The following AK7 variants were observed in gnomAD, a reference collection of about 807,000 sequenced individuals.
AK7 encodes the protein adenylate kinase 7, also known as ATP-AMP transphosphorylase 7.
In AK7, 78 loss-of-function variants were observed where a neutral mutation model predicts 96.6. That is an observed-to-expected ratio of 0.81 (90% CI 0.67 to 0.97). The LOEUF (loss-of-function observed/expected upper bound fraction) is 0.97, where lower values mean the gene tolerates loss of function less well. Ranked by LOEUF, AK7 falls within the 50% of genes least tolerant of loss-of-function variation. The pLI is 0.00. For missense variants in AK7, 855 were observed against 887.9 expected, an observed-to-expected ratio of 0.96 and a Z score of 0.47; for synonymous variants, 302 against 317.2, an observed-to-expected ratio of 0.95 and a Z score of 0.51.
chr14:96,460,018 G>C (rs916704274), intron 12 of AK7, among the ~76,000 whole-genome samples: 1 of 152,218 alleles, frequency 6.6e-6, no homozygotes, highest in Non-Finnish European at 1.5e-5. Flanking sequence ...TCACAGTAAG[G>C]TGTCGCTTTG....
chr14:96,488,154 C>A (rs1345732357), intron 17 of AK7, 151 bp from the exon 18 acceptor site: 3 of 578,786 alleles, frequency 5.2e-6, no homozygotes, highest in African/African-American at 1.9e-5. Flanking sequence ...CTCAAGTGAT[C>A]CACCCGCCTC....
chr14:96,400,332 G>A (rs111345795), intron 2 of AK7, among the ~76,000 whole-genome samples: 2,780 of 152,116 alleles, frequency 0.018, 94 homozygotes, highest in African/African-American at 0.063. Context: ...GAGCCACCAC[G>A]CCCGGCCCAA....
At chr14:96,463,047 G>T (rs1894344622) in intron 12 of AK7, among the ~76,000 whole-genome samples, 1 of 152,112 alleles carries the variant, frequency 6.6e-6, no homozygotes, top group Non-Finnish European at 1.5e-5. Flanking sequence ...TGAGGCAGGA[G>T]AATCGCTTGA....
rs376045676 is a variant in AK7, at chr14:96,435,091, A to G, written c.610-2744A>G. 5.9e-5 allele frequency among the ~76,000 whole-genome samples: 9 copies of G among 151,972 alleles called. No homozygotes were observed. The South Asian group carries it at 8.3e-4, about 14-fold the overall frequency. On this transcript the variant is annotated intron_variant, in intron 5 of 17. Transcript: ENST00000267584. ...ACCCCAAGAGCCTCCTTGGTGCTCT[A>G]CCTAACTTTGGCCATGCTGGCACCT...
chr14:96,443,645 T>G (rs933545820), intron 7 of AK7, among the ~76,000 whole-genome samples: 4 of 152,110 alleles, frequency 2.6e-5, no homozygotes, highest in Non-Finnish European at 5.9e-5. Flanking sequence ...TAAAGAAGGA[T>G]CCTATGAGTC....
intron 4 of AK7, among the ~76,000 whole-genome samples, chr14:96,413,711 CCTGA>C (rs145388448): frequency 2.6e-5 from 4 of 152,308 alleles, no homozygotes; most frequent in African/African-American, 7.2e-5. Context: ...CCACGAGGAT[CCTGA>C]CTAATACATT....
chr14:96,458,852 G>T (rs1035569334), intron 12 of AK7, among the ~76,000 whole-genome samples: 3 of 131,340 alleles, frequency 2.3e-5, no homozygotes, highest in African/African-American at 8.8e-5. Flanking sequence ...TGAAGCTGTA[G>T]TAAGCCATGA....
chr14:96,392,777 C>T (rs1046668200), intron 1 of AK7, among the ~76,000 whole-genome samples: 1 of 152,166 alleles, frequency 6.6e-6, no homozygotes, highest in East Asian at 1.9e-4. Context: ...CATTCTCCTG[C>T]CTCAGCCTCC....
chr14:96,406,947 C>T (rs1422473135), intron 3 of AK7, among the ~76,000 whole-genome samples: 1 of 152,192 alleles, frequency 6.6e-6, no homozygotes, highest in Non-Finnish European at 1.5e-5. Context: ...GCTGGGATTA[C>T]AGACGTGAAC....
intron 5 of AK7, among the ~76,000 whole-genome samples, chr14:96,436,424 C>A (rs1196935155): frequency 6.6e-6 from 1 of 152,078 alleles, no homozygotes; most frequent in Non-Finnish European, 1.5e-5. Flanking sequence ...GCAGGTGAAT[C>A]ACTTGAGGTC....
chr14:96,437,206 AG>A (rs1403893358), intron 5 of AK7, among the ~76,000 whole-genome samples: 1 of 152,134 alleles, frequency 6.6e-6, no homozygotes, highest in African/African-American at 2.4e-5. Context: ...TAACTTAAAG[AG>A]TATAATTGGA....
chr14:96,468,419 C>T (rs774401155), intron 12 of AK7, among the ~76,000 whole-genome samples: 3 of 151,682 alleles, frequency 2.0e-5, no homozygotes, highest in East Asian at 1.9e-4. Context: ...CCTCAGCCTC[C>T]CGAGTAGCTG....
At chr14:96,426,823 GC>G (rs1402658638) in intron 5 of AK7, among the ~76,000 whole-genome samples, 7 of 152,160 alleles carry the variant, frequency 4.6e-5, no homozygotes, top group Non-Finnish European at 1.5e-5. Flanking sequence ...TTCTCTTGCT[GC>G]TTTTTGGATC....
At chr14:96,479,011 C>T (rs901561648) in intron 15 of AK7, among the ~76,000 whole-genome samples, 7 of 151,870 alleles carry the variant, frequency 4.6e-5, no homozygotes, top group African/African-American at 1.7e-4. Flanking sequence ...CGGGTTCAAG[C>T]AATTCTCCTG....
intron 12 of AK7, among the ~76,000 whole-genome samples, chr14:96,465,360 G>A (rs867946361): frequency 6.6e-6 from 1 of 152,064 alleles, no homozygotes; most frequent in Non-Finnish European, 1.5e-5. Flanking sequence ...CTACTCAGGA[G>A]GCTGAGGCAG....
chr14:96,416,879 C>G (rs1416126258), intron 4 of AK7, among the ~76,000 whole-genome samples: 1 of 152,208 alleles, frequency 6.6e-6, no homozygotes, highest in East Asian at 1.9e-4. Flanking sequence ...GCGGCCCCCT[C>G]TGGTTGGAAT....
chr14:96,395,296 T>C (rs1366640418), intron 1 of AK7, among the ~76,000 whole-genome samples: 1 of 152,198 alleles, frequency 6.6e-6, no homozygotes, highest in Non-Finnish European at 1.5e-5. Context: ...AAGAAAATGT[T>C]TCTAAGAAAA....
intron 15 of AK7, among the ~76,000 whole-genome samples, chr14:96,480,142 A>T (rs866883205): frequency 7.2e-5 from 11 of 152,282 alleles, no homozygotes; most frequent in African/African-American, 2.2e-4. Flanking sequence ...ATTATGAAAT[A>T]AAAAAATGAC....
rs375958495 is a variant in AK7 at position 96,406,702 on chromosome 14, T to C, written c.403+1837T>C. 2.6e-5 allele frequency among the ~76,000 whole-genome samples: 4 copies of C among 152,022 alleles called. No homozygotes were observed. In the East Asian group the frequency reaches 5.8e-4, roughly 22 times the overall value. On this transcript the variant is annotated intron_variant, in intron 3 of 17. Transcript: ENST00000267584. The stretch of plus-strand genomic sequence containing the variant: ...GATATGTATTCCTTTCTTTTTTTTT[T>C]AAAGATAGGGTCTTGCTCTGTCACC...
Sources: gnomAD v4.1 joint callset for allele counts (sites outside exome capture counted in the v4.1 genomes callset) on GRCh38, gnomAD v4.1.1 for gene constraint, MANE v1.5 for transcripts, NCBI Gene and HGNC (gene_info 2026-07-23, HGNC 2026-07-21) for gene names.